PDE1C: variants seen among roughly 807,000 people sequenced by gnomAD.
The protein encoded by PDE1C is phosphodiesterase 1C.
In PDE1C, 62 loss-of-function variants were observed where a neutral mutation model predicts 93.1. That is an observed-to-expected ratio of 0.67 (90% CI 0.54 to 0.82). The LOEUF (loss-of-function observed/expected upper bound fraction) is 0.82. Among genes scored for constraint, PDE1C ranks in the 40% least tolerant of loss-of-function variants. The pLI is 0.00. For synonymous variants in PDE1C, 325 were observed against 310.1 expected, an observed-to-expected ratio of 1.05 and a Z score of -0.50; for missense variants, 742 against 884.6, an observed-to-expected ratio of 0.84 and a Z score of 2.04.
chr7:32,390,740 G>A (rs1158762017), intron 1 of PDE1C, among the ~76,000 whole-genome samples: 5 of 152,062 alleles, frequency 3.3e-5, no homozygotes, highest in African/African-American at 1.2e-4. Flanking sequence ...CCAGCTACTC[G>A]GGAGGCTGAG....
chr7:31,981,405 C>T (rs1027766716), intron 2 of PDE1C, among the ~76,000 whole-genome samples: 2 of 152,128 alleles, frequency 1.3e-5, no homozygotes, highest in Non-Finnish European at 2.9e-5. Flanking sequence ...CACATCTTCA[C>T]TTAACATATC....
chr7:31,704,431 C>T, the PDE1C span, among the ~76,000 whole-genome samples: 2 of 152,174 alleles, frequency 1.3e-5, no homozygotes, highest in African/African-American at 2.4e-5. Context: ...ACCCACTAAG[C>T]TCTTACAAGC....
chr7:31,792,334 G>A (rs940814063), intron 16 of PDE1C, among the ~76,000 whole-genome samples: 2 of 152,036 alleles, frequency 1.3e-5, no homozygotes, highest in African/African-American at 2.4e-5. Flanking sequence ...CTGACACATA[G>A]CATATGCTCA....
intron 2 of PDE1C, among the ~76,000 whole-genome samples, chr7:31,907,997 A>G (rs1328649841): frequency 6.6e-6 from 1 of 152,186 alleles, no homozygotes; most frequent in African/African-American, 2.4e-5. Flanking sequence ...ATAAATAAAA[A>G]GCTAAAGAAA....
intron 1 of PDE1C, among the ~76,000 whole-genome samples, chr7:32,409,910 T>A (rs1030990636): frequency 6.6e-6 from 1 of 151,944 alleles, no homozygotes; most frequent in Non-Finnish European, 1.5e-5. Context: ...CACAAATGTA[T>A]ACAGATTCTA....
At chr7:32,389,202 T>TTTTGTTTG (rs3079686) in intron 1 of PDE1C, among the ~76,000 whole-genome samples, 1,838 of 136,232 alleles carry the variant, frequency 0.013, 20 homozygotes, top group East Asian at 0.039. Flanking sequence ...TTTTTTTGGT[T>TTTTGTTTG]TTTGTTTGTT....
intron 3 of PDE1C, among the ~76,000 whole-genome samples, chr7:32,124,333 C>T (rs573008120): frequency 2.7e-4 from 41 of 152,244 alleles, no homozygotes; most frequent in African/African-American, 8.4e-4. Flanking sequence ...TAACATACTT[C>T]ACAGAATTAG....
intron 3 of PDE1C, among the ~76,000 whole-genome samples, chr7:32,076,646 AAAAAAAAAAAAGAAAAAAAGAAAAAAG>A (rs1796372526): frequency 7.7e-6 from 1 of 130,118 alleles, no homozygotes; most frequent in Non-Finnish European, 1.7e-5. Flanking sequence ...CCATCTCAAA[AAAAAAAAAAAAGAAAAAAAGAAAAAAG>A]AAAAAAAAAT....
chr7:32,299,099 C>T (rs1294221871), exon 1 of PDE1C: 1 of 1,053,360 alleles, frequency 9.5e-7, no homozygotes, highest in East Asian at 7.8e-5. Context: ...CTCTGTCAGC[C>T]GCGGATCCCG....
intron 16 of PDE1C, among the ~76,000 whole-genome samples, chr7:31,799,549 T>C (rs1330352709): frequency 1.3e-5 from 2 of 151,660 alleles, no homozygotes; most frequent in Admixed American, 6.6e-5. Flanking sequence ...TTAGGAATCA[T>C]CTATTTTTTA....
chr7:32,076,870 A>G (rs771939774), intron 3 of PDE1C, among the ~76,000 whole-genome samples: 4 of 151,446 alleles, frequency 2.6e-5, no homozygotes, highest in South Asian at 2.1e-4. Context: ...AGTCAGAGTT[A>G]TGTTACTGAC....
At chr7:32,418,656 T>C (rs957342280) in intron 1 of PDE1C, among the ~76,000 whole-genome samples, 1 of 152,222 alleles carries the variant, frequency 6.6e-6, no homozygotes, top group Non-Finnish European at 1.5e-5. Context: ...AGGGATGCCC[T>C]CATATTTGTA....
Position 31,753,246 on chromosome 7 carries a change from C to T in PDE1C, c.*138G>A. On this transcript the variant is annotated 3_prime_UTR_variant, in exon 18 of 18. Transcript: ENST00000396191. The stretch of plus-strand genomic sequence containing the variant: ...GGAAAATCACATACAACTTTCATTT[C>T]ACCTTGGTGGAGTCAACCAGGATAG... 9.6e-7 allele frequency: 1 copy of T among 1,039,128 alleles called. No homozygotes were observed. Among genetic ancestry groups the T allele is most frequent in the Non-Finnish European group, 1.4e-6 (1 of 734,322 alleles). The allele number at this position is 1,039,128 out of a possible 1,614,324, so 64.4% of individuals were successfully genotyped here.
At chr7:32,306,712 T>C (rs1209702213) in intron 1 of PDE1C, among the ~76,000 whole-genome samples, 1 of 152,190 alleles carries the variant, frequency 6.6e-6, no homozygotes, top group Non-Finnish European at 1.5e-5. Context: ...AAAAACCCCT[T>C]ACCTTGGCTC....
intron 2 of PDE1C, among the ~76,000 whole-genome samples, chr7:31,932,614 G>A (rs1423575917): frequency 6.6e-6 from 1 of 152,168 alleles, no homozygotes; most frequent in Non-Finnish European, 1.5e-5. Flanking sequence ...TATACTGTTG[G>A]TGGGAATGTA....
At chr7:32,023,696 C>T (rs1789021128) in intron 2 of PDE1C, among the ~76,000 whole-genome samples, 1 of 151,148 alleles carries the variant, frequency 6.6e-6, no homozygotes, top group African/African-American at 2.4e-5. Flanking sequence ...ATTTAAAAAA[C>T]ATCTGTGAAA....
chr7:31,658,298 C>CT, the PDE1C span: 8 of 1,494,476 alleles, frequency 5.4e-6, no homozygotes, highest in African/African-American at 1.5e-5. Context: ...GAGCTGGATC[C>CT]CTTTTTTTTT....
chr7:31,827,980 G>A (rs1445309932), intron 12 of PDE1C, among the ~76,000 whole-genome samples: 1 of 152,086 alleles, frequency 6.6e-6, no homozygotes, highest in Non-Finnish European at 1.5e-5. Context: ...ATGCAGAATG[G>A]CGGGATGGAG....
chr7:32,294,603 A>G (rs576274175), intron 1 of PDE1C, among the ~76,000 whole-genome samples: 3 of 152,340 alleles, frequency 2.0e-5, no homozygotes, highest in East Asian at 1.9e-4. Context: ...TTTGGCAGAC[A>G]TACATCACTT....
Sources: allele counts gnomAD v4.1 joint callset (sites outside exome capture counted in the v4.1 genomes callset), GRCh38; gene constraint gnomAD v4.1.1; transcripts MANE v1.5; gene names NCBI Gene and HGNC (gene_info 2026-07-23, HGNC 2026-07-21).